Variants in HPS5 observed in about 807,000 individuals in gnomAD.
HPS5 encodes BLOC-2 complex member HPS5.
A neutral mutation model predicts 128.0 loss-of-function variants in HPS5; 83 were observed. The ratio of observed to expected loss-of-function variants is 0.65; its 90% confidence interval spans 0.54 to 0.78. The LOEUF (loss-of-function observed/expected upper bound fraction) is 0.78. HPS5 is among the 30% of genes least tolerant of loss of function. HPS5 has a pLI of 0.00. For missense variants in HPS5, 1,281 were observed against 1,326.2 expected, an observed-to-expected ratio of 0.97 and a Z score of 0.53; for synonymous variants, 475 against 470.2, an observed-to-expected ratio of 1.01 and a Z score of -0.13.
chr11:18,321,757 C>A (rs182284182), intron 1 of HPS5, among the ~76,000 whole-genome samples, 189 bp downstream of exon 1: 18 of 152,244 alleles, frequency 1.2e-4, no homozygotes, highest in African/African-American at 4.3e-4. Context: ...ATCTTTCTAT[C>A]CAAGAAGAAA....
At chr11:18,285,793 G>A (rs965908094) in intron 19 of HPS5, among the ~76,000 whole-genome samples, 1 of 152,122 alleles carries the variant, frequency 6.6e-6, no homozygotes, top group African/African-American at 2.4e-5. Flanking sequence ...CTTTTAAGAA[G>A]CTTCTCCTGG....
At position 18,310,748 on chromosome 11, in the gene HPS5, T is replaced by C. The variant is rs1331394462; in HGVS notation, c.470A>G (p.Gln157Arg). The change falls in exon 5 of 23, where the codon CAA becomes CGA. Residue 157 changes from glutamine to arginine, a missense_variant. Gln to Arg is a conservative substitution (Grantham distance 43, BLOSUM62 1). Coordinates refer to ENST00000349215, the MANE Select transcript of HPS5 (RefSeq NM_181507.2). The stretch of plus-strand genomic sequence containing the variant: ...AATGGGACTGCTTCTCACCTTTGCT[T>C]GTTTAGAAGTATTGAGTTTGATAGC... ...VSAIKLNTSK[Q>R]AKAAAAFVMF... 1 of 1,612,636 alleles carries C rather than the reference T, an allele frequency of 6.2e-7. No individual in the cohort carries two copies. Among genetic ancestry groups the C allele is most frequent in the African/African-American group, 1.3e-5 (1 of 75,018 alleles).
chr11:18,295,728 C>A (rs1051899257), intron 13 of HPS5, among the ~76,000 whole-genome samples: 1 of 152,146 alleles, frequency 6.6e-6, no homozygotes, highest in African/African-American at 2.4e-5. Context: ...ACTAATGATA[C>A]GTGGAAACTA....
chr11:18,291,458 A>T lies in HPS5; in HGVS notation c.2424T>A (p.Phe808Leu). ...GAGTATTACCTTTCAATCCTTCAATAAAAGTATCCCAAACAGAAGGGCTAT... is the reference window on the plus strand; with the variant it reads ...GAGTATTACCTTTCAATCCTTCAATTAAAGTATCCCAAACAGAAGGGCTAT... ...YSNSPSVWDT[F>L]IEGLKEMASS... The change falls in exon 16 of 23, where the codon TTT becomes TTA. Residue 808 changes from phenylalanine (F) to leucine (L), a missense_variant. Transcript: ENST00000349215. 1.2e-6 allele frequency: 2 copies of T among 1,603,466 alleles called. No homozygotes were observed. Among genetic ancestry groups the T allele is most frequent in the Non-Finnish European group, 1.7e-6 (2 of 1,170,384 alleles).
intron 1 of HPS5, among the ~76,000 whole-genome samples, chr11:18,321,423 T>G (rs1019007376): frequency 7.2e-5 from 11 of 152,232 alleles, no homozygotes; most frequent in African/African-American, 2.4e-4. Flanking sequence ...GTGAAGGCAC[T>G]CTACCAAAAA....
rs371347052 is a variant in HPS5 at position 18,282,157 on chromosome 11, G to A, written c.3122C>T (p.Thr1041Met). The A allele has an allele frequency of 1.3e-5, 21 of 1,614,118 alleles. No homozygotes were observed. Among genetic ancestry groups the A allele is most frequent in the East Asian group, 8.9e-5 (4 of 44,886 alleles). The change falls in exon 22 of 23, where the codon ACG (threonine) becomes ATG (methionine). Residue 1041 changes from threonine (T) to methionine (M), a missense_variant. Coordinates refer to ENST00000349215, the MANE Select transcript of HPS5 (RefSeq NM_181507.2). ...LLLHLIQSKS[T>M]RPAPQESLNG... The stretch of plus-strand genomic sequence containing the variant: ...TAGTGACTCCTGGGGGGCTGGCCTC[G>A]TGCTCTTGCTCTGTATGAGATGAAG...
At chr11:18,321,453 C>T (rs186832423) in intron 1 of HPS5, among the ~76,000 whole-genome samples, 64 of 152,256 alleles carry the variant, frequency 4.2e-4, no homozygotes, top group Non-Finnish European at 1.5e-4. Flanking sequence ...TAGAAGTTGG[C>T]GACAAATGCT....
At chr11:18,303,217 A>T (rs1008375649) in intron 8 of HPS5, among the ~76,000 whole-genome samples, 2 of 152,128 alleles carry the variant, frequency 1.3e-5, no homozygotes, top group South Asian at 4.1e-4. Context: ...TGTTTTCGAA[A>T]AAACTCTTTG....
chr11:18,313,794 A>G (rs377051636), intron 2 of HPS5, among the ~76,000 whole-genome samples: 18 of 152,114 alleles, frequency 1.2e-4, no homozygotes, highest in East Asian at 7.8e-4. Context: ...CGTGCCTGTA[A>G]TCCCAGCTAC....
chr11:18,308,393 T>A (rs1590125175), intron 6 of HPS5, among the ~76,000 whole-genome samples: 2 of 152,232 alleles, frequency 1.3e-5, no homozygotes, highest in Admixed American at 1.3e-4. Flanking sequence ...CCTTCTCTCA[T>A]GGCACTTAGA....
rs949761494 is a variant in HPS5 at position 18,288,757 on chromosome 11, T to TGTGC, written c.2441-745_2441-744insGCAC. Among the ~76,000 whole-genome samples, 3 of 151,746 alleles carry TGTGC rather than the reference T, an allele frequency of 2.0e-5. No homozygotes were observed. In the South Asian group the frequency reaches 6.2e-4, roughly 32 times the overall value. On this transcript the variant is annotated intron_variant, in intron 16 of 22. Coordinates refer to ENST00000349215, the MANE Select transcript of HPS5 (RefSeq NM_181507.2). Reference sequence around the variant, plus strand: ...GGCTGTGTGTGTGTGTGTGTGTGTGTGCAGCGACGGGGTCTTCCTACGTTG... The same window carrying TGTGC: ...GGCTGTGTGTGTGTGTGTGTGTGTGTGTGCGCAGCGACGGGGTCTTCCTACGTTG...
In HPS5 at chr11:18,295,009, T is replaced by C. The variant is rs1860884840; in HGVS notation, c.1784+11A>G. ...CCTAGAATGTATAGAGATTTATGTG[T>C]AAGGGCTTACTCAGTGTCTTCCTCC... On this transcript the variant is annotated intron_variant, in intron 14 of 22. Coordinates refer to ENST00000349215, the MANE Select transcript of HPS5 (RefSeq NM_181507.2). The C allele has an allele frequency of 1.2e-6, 2 of 1,613,972 alleles. No individual in the cohort carries two copies. Among genetic ancestry groups the C allele is most frequent in the Non-Finnish European group, 1.7e-6 (2 of 1,179,896 alleles).
intron 8 of HPS5, 43 bp from the exon 9 acceptor site, chr11:18,300,959 CAA>C: frequency 8.6e-7 from 1 of 1,165,552 alleles, no homozygotes; most frequent in Non-Finnish European, 1.3e-6. Context: ...TGCTAGGATA[CAA>C]AAGTTTATAA....
chr11:18,306,743 C>G (rs1862416895), intron 6 of HPS5, among the ~76,000 whole-genome samples: 1 of 152,222 alleles, frequency 6.6e-6, no homozygotes, highest in Admixed American at 6.5e-5. Flanking sequence ...AGCTACTAAT[C>G]TAGTTCTCCA....
chr11:18,310,117 C>G (rs149464079), intron 5 of HPS5, among the ~76,000 whole-genome samples: 3 of 152,154 alleles, frequency 2.0e-5, no homozygotes, highest in African/African-American at 7.2e-5. Context: ...ATGTAATGGT[C>G]GTGGAGGAGC....
At chr11:18,314,608 C>G (rs997457752) in intron 2 of HPS5, 1 of 152,156 alleles carries the variant, frequency 6.6e-6, no homozygotes, top group African/African-American at 2.4e-5. Flanking sequence ...TTTAAAGCAA[C>G]TTTTATCTAT....
At chr11:18,286,512 A>C in intron 19 of HPS5, 79 bp downstream of exon 19, 1 of 1,409,488 alleles carries the variant, frequency 7.1e-7, no homozygotes, top group Non-Finnish European at 9.8e-7. Flanking sequence ...ACCACATTCC[A>C]GCCTAGGCGA....
intron 8 of HPS5, among the ~76,000 whole-genome samples, chr11:18,303,663 G>A (rs1365087555): frequency 6.6e-6 from 1 of 152,028 alleles, no homozygotes; most frequent in African/African-American, 2.4e-5. Flanking sequence ...GACCAGCCTG[G>A]GCAACATGGT....
At chr11:18,318,006 C>T (rs1301679493) in intron 1 of HPS5, 99 bp from the exon 2 acceptor site, 1 of 854,856 alleles carries the variant, frequency 1.2e-6, no homozygotes, top group African/African-American at 1.7e-5. Context: ...TGAGAAAGTC[C>T]CCACTATACA....
Sources: allele counts gnomAD v4.1 joint callset (sites outside exome capture counted in the v4.1 genomes callset), GRCh38; gene constraint gnomAD v4.1.1; transcripts MANE v1.5; gene names NCBI Gene and HGNC (gene_info 2026-07-23, HGNC 2026-07-21).